Variants in BRCA2 observed in about 807,000 individuals in gnomAD.
The protein encoded by BRCA2 is breast cancer type 2 susceptibility protein.
Under a neutral mutation model 276.7 loss-of-function variants are expected in BRCA2, and 203 were observed. The ratio of observed to expected loss-of-function variants is 0.73; its 90% confidence interval spans 0.65 to 0.82. BRCA2 has a LOEUF of 0.82. BRCA2 is among the 40% of genes least tolerant of loss of function. The probability of loss-of-function intolerance (pLI) is 0.00; values close to 1 mark genes in which losing one functional copy is unlikely to be tolerated. For synonymous variants in BRCA2, 1,289 were observed against 1,338.4 expected (o/e 0.96, Z 0.81); for missense variants, 3,920 against 3,915.0 (o/e 1.00, Z -0.03).
chr13:32,375,797 T>G (rs2072867352), intron 20 of BRCA2, among the ~76,000 whole-genome samples: 1 of 152,096 alleles, frequency 6.6e-6, no homozygotes, highest in South Asian at 2.1e-4. Flanking sequence ...GGACCTCAGG[T>G]GATCCACCCG....
chr13:32,334,446 C>T (rs2137478347), intron 10 of BRCA2, among the ~76,000 whole-genome samples: 1 of 152,086 alleles, frequency 6.6e-6, no homozygotes, highest in East Asian at 1.9e-4. Flanking sequence ...GAGGCTAAGG[C>T]AGGAGGATCA....
intron 20 of BRCA2, chr13:32,375,224 G>A (rs550863563): frequency 3.2e-4 from 101 of 319,476 alleles, no homozygotes; most frequent in African/African-American, 2.0e-3. Flanking sequence ...AGGACACAGA[G>A]CCAAATCGTA....
At chr13:32,355,369 C>A (rs1228662636) in intron 14 of BRCA2, 81 bp downstream of exon 14, 22 of 1,503,286 alleles carry the variant, frequency 1.5e-5, no homozygotes, top group Non-Finnish European at 1.9e-5. Flanking sequence ...TGATGGTTTT[C>A]CCCCTTTGGT....
In BRCA2 at chr13:32,340,969, T is replaced by G. The variant is rs730881546; in HGVS notation, c.6614T>G (p.Val2205Gly). 6.2e-7 allele frequency: 1 copy of G among 1,608,830 alleles called. No individual in the cohort carries two copies. ...GKTETFSDVPVKTNIEVCSTY... is the reference protein window; with the variant it reads ...GKTETFSDVPGKTNIEVCSTY... ...ACTGAAACTTTTTCTGATGTTCCTG[T>G]GAAAACAAATATAGAAGTTTGTTCT... is the stretch of plus-strand genomic sequence containing the variant. Residue 2205 changes from valine to glycine, a missense_variant, in exon 11 of 27, where the codon GTG becomes GGG. By Grantham distance (109) the Val-to-Gly change is moderately radical (BLOSUM62 -3). Coordinates refer to ENST00000380152, the MANE Select transcript of BRCA2 (RefSeq NM_000059.4).
chr13:32,334,770 T>C (rs933419326), intron 10 of BRCA2, among the ~76,000 whole-genome samples: 2 of 152,220 alleles, frequency 1.3e-5, no homozygotes, highest in African/African-American at 4.8e-5. Flanking sequence ...GCTGCTGTTG[T>C]TACATAATTT....
At chr13:32,362,900 C>T (rs1404489992) in intron 17 of BRCA2, among the ~76,000 whole-genome samples, 1 of 152,126 alleles carries the variant, frequency 6.6e-6, no homozygotes. Flanking sequence ...TTCCCCACCC[C>T]CTCCTTAACC....
intron 3 of BRCA2, among the ~76,000 whole-genome samples, chr13:32,322,960 A>T (rs150951453): frequency 6.6e-6 from 1 of 152,198 alleles, no homozygotes; most frequent in Admixed American, 6.5e-5. Flanking sequence ...GGGATCATAT[A>T]GTAAGAGTAT....
In BRCA2 at chr13:32,332,836, C is replaced by G. The variant is rs754587041; in HGVS notation, c.1358C>G (p.Pro453Arg). ...TCTTTGCCACGTATTTCTAGCCTAC[C>G]AAAATCAGAGAAGCCATTAAATGAG... Reference protein sequence around the residue: ...ENSLPRISSLPKSEKPLNEET... With the variant: ...ENSLPRISSLRKSEKPLNEET... The change falls in exon 10 of 27, where the codon CCA becomes CGA. Residue 453 changes from proline to arginine, a missense_variant. By Grantham distance (103) the Pro-to-Arg change is moderately radical. Transcript: ENST00000380152. The G allele has an allele frequency of 6.2e-7, 1 of 1,611,214 alleles. No homozygotes were observed. Among genetic ancestry groups the G allele is most frequent in the Admixed American group, 1.7e-5 (1 of 59,414 alleles).
rs2137520687 is a variant in BRCA2, at chr13:32,340,117, T to C, written c.5762T>C (p.Phe1921Ser). Reference sequence around the variant, plus strand: ...TGTAGCACGCATTCACATAAGGTTTTTGCTGACATTCAGAGTGAAGAAATT... The same window carrying C: ...TGTAGCACGCATTCACATAAGGTTTCTGCTGACATTCAGAGTGAAGAAATT... ...DECSTHSHKV[F>S]ADIQSEEILQ... Residue 1921 changes from phenylalanine (F) to serine (S), a missense_variant, in exon 11 of 27, where the codon TTT becomes TCT. Phe to Ser is a radical substitution (Grantham distance 155). Coordinates refer to ENST00000380152, the MANE Select transcript of BRCA2 (RefSeq NM_000059.4). 1.9e-6 allele frequency: 3 copies of C among 1,613,684 alleles called. No homozygotes were observed. Among genetic ancestry groups the C allele is most frequent in the Non-Finnish European group, 2.5e-6 (3 of 1,179,784 alleles).
intron 6 of BRCA2, 25 bp downstream of exon 6, chr13:32,326,307 T>G: frequency 6.2e-7 from 1 of 1,603,570 alleles, no homozygotes; most frequent in Non-Finnish European, 8.5e-7. Context: ...TGGTTTATTT[T>G]TATGACTTAG....
intron 18 of BRCA2, among the ~76,000 whole-genome samples, chr13:32,369,088 G>A (rs532721520): frequency 3.3e-5 from 5 of 152,178 alleles, no homozygotes; most frequent in Admixed American, 6.5e-5. Context: ...GATTACAGGC[G>A]TGAGCCACAG....
At chr13:32,366,825 G>GA (rs112101824) in intron 18 of BRCA2, among the ~76,000 whole-genome samples, 140 of 51,752 alleles carry the variant, frequency 2.7e-3, no homozygotes, top group East Asian at 5.4e-3. Flanking sequence ...CTGTCTCAAA[G>GA]AAAAAAAAAA....
At chr13:32,396,582 T>C (rs2073038324) in intron 25 of BRCA2, among the ~76,000 whole-genome samples, 1 of 152,210 alleles carries the variant, frequency 6.6e-6, no homozygotes, top group South Asian at 2.1e-4. Flanking sequence ...AGCTAGGACT[T>C]GAGCCCCAAT....
rs1225189499 is a variant in BRCA2 at position 32,386,313 on chromosome 13, CAGG to C, written c.9256+6171_9256+6173del. ...ATCCCAGCTACTCAGGAGGCTGAGGCAGGAGAATTGCTTGAACCTGGGAAGCGG... is the reference window on the plus strand; with the variant it reads ...ATCCCAGCTACTCAGGAGGCTGAGGCAGAATTGCTTGAACCTGGGAAGCGG... On this transcript the variant is annotated intron_variant, in intron 24 of 26. Transcript: ENST00000380152. Among the ~76,000 whole-genome samples the C allele has an allele frequency of 2.0e-5, 3 of 152,104 alleles. No individual in the cohort carries two copies. The East Asian group carries it at 5.8e-4, about 29-fold the overall frequency.
chr13:32,339,455 T>G lies in BRCA2; in HGVS notation c.5100T>G (p.Gly1700=). ...KKWLREGIFD[G]QPERINTADY... The stretch of plus-strand genomic sequence containing the variant: ...GGCTTAGAGAAGGAATATTTGATGG[T>G]CAACCAGAAAGAATAAATACTGCAG... The change falls in exon 11 of 27, where the codon GGT becomes GGG. Residue 1700 remains glycine (G), a synonymous_variant. Coordinates refer to ENST00000380152, the MANE Select transcript of BRCA2 (RefSeq NM_000059.4). 1 of 1,588,042 alleles carries G rather than the reference T, an allele frequency of 6.3e-7. No homozygotes were observed. Among genetic ancestry groups the G allele is most frequent in the Non-Finnish European group, 8.6e-7 (1 of 1,168,484 alleles).
chr13:32,332,159 A>G (rs897754615), intron 9 of BRCA2, 113 bp from the exon 10 acceptor site: 11 of 1,048,906 alleles, frequency 1.0e-5, no homozygotes, highest in African/African-American at 3.3e-5. Context: ...AAATACTGAT[A>G]TGTAATATTT....
chr13:32,337,834 G>A lies in BRCA2; in HGVS notation c.3479G>A (p.Arg1160Lys), dbSNP rs183920365. 15 of 1,614,064 alleles carry A rather than the reference G, an allele frequency of 9.3e-6. No individual in the cohort carries two copies. In the Admixed American group the frequency reaches 2.3e-4, roughly 25 times the overall value. ...TILKTTSEEC[R>K]DADLHVIMNA... ...TTAAAGACCACTTCTGAGGAATGCA[G>A]AGATGCTGATCTTCATGTCATAATG... is the stretch of plus-strand genomic sequence containing the variant. The change falls in exon 11 of 27, where the codon AGA becomes AAA. Residue 1160 changes from arginine to lysine, a missense_variant. Physicochemically the swap from Arg to Lys is conservative, Grantham distance 26 (BLOSUM62 2). Coordinates refer to ENST00000380152, the MANE Select transcript of BRCA2 (RefSeq NM_000059.4).
Position 32,337,608 on chromosome 13 carries a change from C to A in BRCA2, c.3253C>A (p.His1085Asn), listed in dbSNP as rs2137494760. The change falls in exon 11 of 27, where the codon CAT (histidine) becomes AAT (asparagine). Residue 1085 changes from histidine to asparagine, a missense_variant. By Grantham distance (68) the His-to-Asn change is moderately conservative. This residue lies in a region of BRCA2 where 3,263 missense variants were observed against 3,156.9 expected (regional missense o/e 1.03). Coordinates refer to ENST00000380152, the MANE Select transcript of BRCA2 (RefSeq NM_000059.4). ...SVVVSDCKNS[H>N]ITPQMLFSKQ... ...AGTTGTTTCTGATTGTAAAAATAGT[C>A]ATATAACCCCTCAGATGTTATTTTC... 1.9e-6 allele frequency: 3 copies of A among 1,592,840 alleles called. No individual in the cohort carries two copies. Among genetic ancestry groups the A allele is most frequent in the Middle Eastern group, 1.7e-4 (1 of 5,952 alleles).
chr13:32,322,952 G>A (rs1027770135), intron 3 of BRCA2, among the ~76,000 whole-genome samples: 1 of 152,124 alleles, frequency 6.6e-6, no homozygotes, highest in Non-Finnish European at 1.5e-5. Context: ...ACGATTGTGG[G>A]ATCATATAGT....
Sources: allele counts gnomAD v4.1 joint callset (sites outside exome capture counted in the v4.1 genomes callset), GRCh38; gene constraint gnomAD v4.1.1; regional missense constraint gnomAD v4.1.1; transcripts MANE v1.5; gene names NCBI Gene and HGNC (gene_info 2026-07-23, HGNC 2026-07-21).